KIAA1328: variants seen among roughly 807,000 people sequenced by gnomAD.
KIAA1328 encodes the protein protein hinderin.
In KIAA1328, 52 loss-of-function variants were observed where a neutral mutation model predicts 68.1. That is an observed-to-expected ratio of 0.76 (90% CI 0.61 to 0.96). KIAA1328 has a LOEUF of 0.96. Ranked by LOEUF, KIAA1328 falls within the 40% of genes least tolerant of loss-of-function variation. KIAA1328 has a pLI of 0.00. For synonymous variants in KIAA1328, 232 were observed against 239.4 expected (o/e 0.97, Z 0.28); for missense variants, 641 against 677.6 (o/e 0.95, Z 0.60).
At chr18:37,076,029 C>G (rs1435296936) in intron 7 of KIAA1328, among the ~76,000 whole-genome samples, 1 of 152,040 alleles carries the variant, frequency 6.6e-6, no homozygotes, top group African/African-American at 2.4e-5. Context: ...ACAGAATATA[C>G]ATTTTTTTCA....
At chr18:37,017,142 C>T (rs753456008) in intron 6 of KIAA1328, among the ~76,000 whole-genome samples, 26 of 152,030 alleles carry the variant, frequency 1.7e-4, no homozygotes, top group Non-Finnish European at 3.4e-4. Flanking sequence ...TGCTGTATCT[C>T]AGATGTTTTG....
At chr18:36,829,733 A>T (rs2150741066) in intron 1 of KIAA1328, among the ~76,000 whole-genome samples, 1 of 152,210 alleles carries the variant, frequency 6.6e-6, no homozygotes, top group Middle Eastern at 3.4e-3. Flanking sequence ...GAGCTTGGTT[A>T]CTGGGATGTG....
chr18:37,104,682 G>A (rs2057719235), intron 7 of KIAA1328, among the ~76,000 whole-genome samples: 1 of 152,184 alleles, frequency 6.6e-6, no homozygotes, highest in African/African-American at 2.4e-5. Context: ...AATATTTGAG[G>A]TGATTGATAT....
chr18:36,939,884 A>C (rs2050640225), intron 5 of KIAA1328, among the ~76,000 whole-genome samples: 1 of 152,126 alleles, frequency 6.6e-6, no homozygotes, highest in Non-Finnish European at 1.5e-5. Flanking sequence ...CTGCTGTTTT[A>C]CATGTATATA....
intron 4 of KIAA1328, among the ~76,000 whole-genome samples, chr18:36,876,390 A>G (rs948370936): frequency 1.3e-5 from 2 of 151,892 alleles, no homozygotes; most frequent in Non-Finnish European, 2.9e-5. Context: ...ACTTCTTTCT[A>G]ATTTAGTCTT....
intron 9 of KIAA1328, among the ~76,000 whole-genome samples, chr18:37,179,404 T>G (rs942345010): frequency 6.6e-6 from 1 of 152,208 alleles, no homozygotes; most frequent in African/African-American, 2.4e-5. Flanking sequence ...ATTTCCATGT[T>G]ATTGTGTTAA....
intron 6 of KIAA1328, among the ~76,000 whole-genome samples, chr18:36,987,740 A>G (rs2053000695): frequency 6.6e-6 from 1 of 152,008 alleles, no homozygotes; most frequent in African/African-American, 2.4e-5. Context: ...TGGTTCCTGG[A>G]TAGATACATA....
intron 7 of KIAA1328, among the ~76,000 whole-genome samples, chr18:37,115,451 A>G (rs2058077304): frequency 6.6e-6 from 1 of 152,262 alleles, no homozygotes; most frequent in East Asian, 1.9e-4. Flanking sequence ...CAGGCCTTCA[A>G]CAAAATTCAA....
chr18:36,955,650 T>G (rs903139666), intron 5 of KIAA1328, among the ~76,000 whole-genome samples: 3 of 152,186 alleles, frequency 2.0e-5, no homozygotes, highest in Non-Finnish European at 4.4e-5. Context: ...TATTTGTCTT[T>G]GAACACTTTC....
chr18:37,076,615 G>C (rs1245895984), intron 7 of KIAA1328, among the ~76,000 whole-genome samples: 1 of 151,554 alleles, frequency 6.6e-6, no homozygotes, highest in Non-Finnish European at 1.5e-5. Flanking sequence ...AAAGAGAGAA[G>C]AATCAAATAG....
chr18:36,968,128 T>A (rs2052020177), intron 6 of KIAA1328, among the ~76,000 whole-genome samples: 1 of 151,786 alleles, frequency 6.6e-6, no homozygotes, highest in Non-Finnish European at 1.5e-5. Flanking sequence ...AAAGAAGCAC[T>A]AAATATGGAA....
chr18:36,991,175 A>G (rs1168558911), intron 6 of KIAA1328, among the ~76,000 whole-genome samples: 2 of 152,242 alleles, frequency 1.3e-5, no homozygotes, highest in African/African-American at 2.4e-5. Context: ...TTTGAAAAAC[A>G]TAGTCCTATA....
At chr18:37,154,171 GGAGA>G (rs1028352171) in intron 7 of KIAA1328, among the ~76,000 whole-genome samples, 1 of 152,156 alleles carries the variant, frequency 6.6e-6, no homozygotes, top group African/African-American at 2.4e-5. Flanking sequence ...TAAAAGGAGA[GGAGA>G]GTGAGAGAGG....
intron 6 of KIAA1328, among the ~76,000 whole-genome samples, chr18:36,962,805 A>G (rs1380299248): frequency 6.6e-6 from 1 of 152,220 alleles, no homozygotes; most frequent in African/African-American, 2.4e-5. Flanking sequence ...AATCTCTGGG[A>G]CACATTTAAA....
intron 5 of KIAA1328, among the ~76,000 whole-genome samples, chr18:36,920,051 G>T (rs1462457222): frequency 6.6e-6 from 1 of 152,012 alleles, no homozygotes; most frequent in Non-Finnish European, 1.5e-5. Flanking sequence ...AGTTTCTTTT[G>T]CTGGGCAGTG....
chr18:37,207,919 C>T (rs1449204824), intron 9 of KIAA1328, among the ~76,000 whole-genome samples: 1 of 152,184 alleles, frequency 6.6e-6, no homozygotes, highest in East Asian at 1.9e-4. Flanking sequence ...AAGCGATTCT[C>T]CTGCCTCAGT....
At chr18:37,193,978 C>G (rs1383514450) in intron 9 of KIAA1328, among the ~76,000 whole-genome samples, 1 of 152,074 alleles carries the variant, frequency 6.6e-6, no homozygotes, top group Non-Finnish European at 1.5e-5. Flanking sequence ...GCACAGTGTT[C>G]CATTATATGC....
chr18:36,900,326 C>G (rs996314306), intron 5 of KIAA1328, among the ~76,000 whole-genome samples: 3 of 151,776 alleles, frequency 2.0e-5, no homozygotes, highest in Non-Finnish European at 4.4e-5. Context: ...GGGTAAGTTC[C>G]CTACAAGGCC....
At chr18:37,156,421 C>T (rs1041200138) in intron 7 of KIAA1328, among the ~76,000 whole-genome samples, 2 of 133,580 alleles carry the variant, frequency 1.5e-5, no homozygotes, top group South Asian at 2.5e-4. Context: ...AGAGAAACTC[C>T]GCCTCAAAAA....
Sources: allele counts gnomAD v4.1 joint callset (sites outside exome capture counted in the v4.1 genomes callset), GRCh38; gene constraint gnomAD v4.1.1; transcripts MANE v1.5; gene names NCBI Gene and HGNC (gene_info 2026-07-23, HGNC 2026-07-21).